CLDN10: variants seen among roughly 807,000 people sequenced by gnomAD.
The protein encoded by CLDN10 is claudin-10.
CLDN10 carries 15 observed loss-of-function variants against 22.9 expected under a neutral mutation model. The ratio of observed to expected loss-of-function variants is 0.65; its 90% CI spans 0.44 to 1.01. CLDN10 has a LOEUF of 1.01. CLDN10 is among the 50% of genes least tolerant of loss of function. CLDN10 has a pLI of 0.00. For synonymous variants in CLDN10, 114 were observed against 111.4 expected (o/e 1.02, Z -0.15); for missense variants, 247 against 287.8 (o/e 0.86, Z 1.03).
intron 1 of CLDN10, among the ~76,000 whole-genome samples, chr13:95,532,488 T>C (rs2043354490): frequency 6.6e-6 from 1 of 152,158 alleles, no homozygotes; most frequent in African/African-American, 2.4e-5. Context: ...AAGAGACTGA[T>C]AACATCTAAC....
Position 95,560,381 on chromosome 13 carries a change from G to A in CLDN10, c.383-1G>A. ...AGTGCTTTCCCTCTAATATTTGTTA[G>A]GGCTGTGCTCAATGACTGGATGTTC... On this transcript the variant is annotated splice_acceptor_variant, in intron 2 of 4. Coordinates refer to ENST00000299339, the MANE Select transcript of CLDN10 (RefSeq NM_006984.5). LOFTEE classifies it high-confidence loss of function. 1 of 1,613,822 alleles carries A rather than the reference G, an allele frequency of 6.2e-7. No individual in the cohort carries two copies. Among genetic ancestry groups the A allele is most frequent in the Non-Finnish European group, 8.5e-7 (1 of 1,179,744 alleles).
intron 1 of CLDN10, among the ~76,000 whole-genome samples, chr13:95,477,841 C>G (rs1206139231): frequency 6.6e-6 from 1 of 152,088 alleles, no homozygotes; most frequent in Non-Finnish European, 1.5e-5. Flanking sequence ...TGCAGACAGG[C>G]CCGTGGACAG....
chr13:95,509,633 A>G (rs115354389), intron 1 of CLDN10, among the ~76,000 whole-genome samples: 1,532 of 152,310 alleles, frequency 0.01, 26 homozygotes, highest in African/African-American at 0.034. Context: ...GCAGATTTTT[A>G]ACATCTTAAG....
At chr13:95,539,863 G>A (rs1042356536) in intron 1 of CLDN10, among the ~76,000 whole-genome samples, 1 of 152,026 alleles carries the variant, frequency 6.6e-6, no homozygotes, top group Non-Finnish European at 1.5e-5. Flanking sequence ...TTTAACACAT[G>A]TTTACTTTTG....
At chr13:95,527,726 G>A (rs193119751) in intron 1 of CLDN10, among the ~76,000 whole-genome samples, 4 of 152,196 alleles carry the variant, frequency 2.6e-5, no homozygotes, top group Admixed American at 2.6e-4. Flanking sequence ...ACAGAGCAAG[G>A]CTCAGTCTCG....
upstream of CLDN10, among the ~76,000 whole-genome samples, chr13:95,552,151 G>C (rs1477117725): frequency 1.3e-5 from 2 of 152,228 alleles, no homozygotes; most frequent in Non-Finnish European, 2.9e-5. Flanking sequence ...GAACTGCAGA[G>C]TTTTGAGGGC....
intron 1 of CLDN10, among the ~76,000 whole-genome samples, chr13:95,471,451 A>T (rs1448157331): frequency 9.7e-6 from 1 of 103,606 alleles, no homozygotes; most frequent in African/African-American, 4.5e-5. Flanking sequence ...ATATATATAT[A>T]TATTTTTTTT....
intron 1 of CLDN10, among the ~76,000 whole-genome samples, chr13:95,465,179 T>C (rs1009683200): frequency 2.0e-5 from 3 of 152,150 alleles, no homozygotes; most frequent in African/African-American, 4.8e-5. Flanking sequence ...GAAGCGAAAG[T>C]AGAAGCCCCT....
intron 1 of CLDN10, among the ~76,000 whole-genome samples, chr13:95,511,299 C>T (rs2043095198): frequency 6.6e-6 from 1 of 151,824 alleles, no homozygotes; most frequent in African/African-American, 2.4e-5. Flanking sequence ...GGTGAAAAAG[C>T]AAAACCTATG....
chr13:95,480,051 A>C (rs112913557), intron 1 of CLDN10: 6 of 124,230 alleles, frequency 4.8e-5, no homozygotes, highest in Admixed American at 4.8e-4. Flanking sequence ...AGGCCTCACA[A>C]TCATGGTGGA....
intron 1 of CLDN10, among the ~76,000 whole-genome samples, chr13:95,495,649 C>A (rs2042921147): frequency 6.7e-6 from 1 of 148,210 alleles, no homozygotes; most frequent in African/African-American, 2.5e-5. Flanking sequence ...GAGGCTGAGG[C>A]AGGAGAATGG....
At chr13:95,554,558 GGGA>G (rs1159453254) in intron 1 of CLDN10, among the ~76,000 whole-genome samples, 2 of 152,140 alleles carry the variant, frequency 1.3e-5, no homozygotes, top group East Asian at 1.9e-4. Context: ...CTGGTTAGCT[GGGA>G]GGAGAACAGA....
chr13:95,486,854 T>C (rs1034628307), intron 1 of CLDN10, among the ~76,000 whole-genome samples: 1 of 152,206 alleles, frequency 6.6e-6, no homozygotes, highest in African/African-American at 2.4e-5. Flanking sequence ...ACCGCCTCAG[T>C]GTTCAACATG....
chr13:95,434,693 A>G (rs1417088134), intron 1 of CLDN10, among the ~76,000 whole-genome samples: 1 of 152,078 alleles, frequency 6.6e-6, no homozygotes, highest in Admixed American at 6.6e-5. Flanking sequence ...GAACTGGCAA[A>G]CGATGGCAAA....
intron 1 of CLDN10, among the ~76,000 whole-genome samples, chr13:95,479,091 C>T (rs2042714858): frequency 1.3e-5 from 2 of 152,242 alleles, no homozygotes; most frequent in South Asian, 4.1e-4. Flanking sequence ...TGGCTCATGC[C>T]TGTAATCCCA....
At chr13:95,502,460 C>T (rs183275877) in intron 1 of CLDN10, among the ~76,000 whole-genome samples, 83 of 152,158 alleles carry the variant, frequency 5.5e-4, no homozygotes, top group Non-Finnish European at 8.8e-4. Context: ...GTTGCCAGGA[C>T]GTTTATGGTG....
At chr13:95,537,676 A>G (rs972499359) in intron 1 of CLDN10, among the ~76,000 whole-genome samples, 2 of 152,212 alleles carry the variant, frequency 1.3e-5, no homozygotes, top group Non-Finnish European at 2.9e-5. Context: ...ACAGAATGGC[A>G]TTTCCAAATT....
At chr13:95,541,017 G>A (rs9525016) in intron 1 of CLDN10, among the ~76,000 whole-genome samples, 42,612 of 152,244 alleles carry the variant, frequency 0.28, 7,174 homozygotes, top group Non-Finnish European at 0.37. Context: ...GAATGGCCAC[G>A]TGGCCCAGTG....
intron 1 of CLDN10, among the ~76,000 whole-genome samples, chr13:95,489,172 C>T (rs2042842047): frequency 6.6e-6 from 1 of 151,986 alleles, no homozygotes; most frequent in Non-Finnish European, 1.5e-5. Flanking sequence ...TTGTCTTGAA[C>T]TCCTGACCAC....
Sources: allele counts gnomAD v4.1 joint callset (sites outside exome capture counted in the v4.1 genomes callset), GRCh38; gene constraint gnomAD v4.1.1; transcripts MANE v1.5; gene names NCBI Gene and HGNC (gene_info 2026-07-23, HGNC 2026-07-21).